The following DAGLB variants were observed in gnomAD, a reference collection of about 807,000 sequenced individuals.
The protein encoded by DAGLB is diacylglycerol lipase beta, also known as diacylglycerol lipase-beta.
A neutral mutation model predicts 72.1 loss-of-function variants in DAGLB; 66 were observed. The observed-to-expected ratio is 0.92, with a 90% CI of 0.75 to 1.12. DAGLB has a LOEUF of 1.12. Among genes scored for constraint, DAGLB ranks in the 50% most tolerant of loss-of-function variants. The probability of loss-of-function intolerance (pLI) is 0.00; values close to 1 mark genes in which losing one functional copy is unlikely to be tolerated. For synonymous variants in DAGLB, 414 were observed against 359.5 expected, an observed-to-expected ratio of 1.15 and a Z score of -1.71; for missense variants, 1,065 against 884.9, an observed-to-expected ratio of 1.20 and a Z score of -2.58.
At chr7:6,432,454 G>A (rs1784514093) in intron 5 of DAGLB, among the ~76,000 whole-genome samples, 3 of 151,374 alleles carry the variant, frequency 2.0e-5, no homozygotes, top group Admixed American at 1.3e-4. Flanking sequence ...TGAAGAGATG[G>A]AGACCATCCT....
chr7:6,410,280 T>C lies in DAGLB; in HGVS notation c.1670A>G (p.Gln557Arg), dbSNP rs755911500. Residue 557 changes from glutamine (Q) to arginine (R), a missense_variant, in exon 14 of 15, where the codon CAG becomes CGG. Physicochemically the swap from Gln to Arg is conservative, Grantham distance 43. Coordinates refer to ENST00000297056, the MANE Select transcript of DAGLB (RefSeq NM_139179.4). ...TAGGCTCTGCTCCCCCAGAAGAGGC[T>C]GTGTCAGGACTTCCTGGTCGCCCCC... ...LDGGDQEVLT[Q>R]PLLGEQSLLT... 14 of 1,613,862 alleles carry C rather than the reference T, an allele frequency of 8.7e-6. No individual in the cohort carries two copies. Among genetic ancestry groups the C allele is most frequent in the Non-Finnish European group, 1.1e-5 (13 of 1,179,916 alleles).
chr7:6,409,780 A>G lies in DAGLB; in HGVS notation c.*57T>C. ...ATGGGAACTCCTCGGATGGTAAGTC[A>G]GTTTAAGGACAAAAGCGTGAGTCCA... On this transcript the variant is annotated 3_prime_UTR_variant, in exon 15 of 15. Transcript: ENST00000297056. 6.4e-7 allele frequency: 1 copy of G among 1,566,610 alleles called. No homozygotes were observed. Among genetic ancestry groups the G allele is most frequent in the Admixed American group, 1.9e-5 (1 of 53,400 alleles).
chr7:6,435,517 A>G (rs1475929944), intron 3 of DAGLB: 4 of 160,090 alleles, frequency 2.5e-5, no homozygotes, highest in Admixed American at 2.3e-4. Flanking sequence ...CTTATGAATC[A>G]GTGGTTAACC....
intron 11 of DAGLB, among the ~76,000 whole-genome samples, chr7:6,413,764 CCAA>C (rs745433618): frequency 3.9e-5 from 6 of 152,346 alleles, no homozygotes; most frequent in Admixed American, 1.3e-4. Flanking sequence ...CCTTCAGCTC[CCAA>C]CAACGAGTCA....
At chr7:6,412,671 C>G in intron 13 of DAGLB, 140 bp downstream of exon 13, 5 of 953,672 alleles carry the variant, frequency 5.2e-6, no homozygotes, top group Admixed American at 2.2e-5. Flanking sequence ...AGCCCAGAAT[C>G]TGATCAGATG....
In DAGLB at chr7:6,436,568, C is replaced by T. The variant is rs774991467; in HGVS notation, c.248-35G>A. ...AAAAAACGTTCCGACTGCTCAGTTGCTTCCTCAGAGATGAAGAGCTTCCTT... is the reference window on the plus strand; with the variant it reads ...AAAAAACGTTCCGACTGCTCAGTTGTTTCCTCAGAGATGAAGAGCTTCCTT... On this transcript the variant is annotated intron_variant, in intron 2 of 14. Transcript: ENST00000297056. 2.0e-5 allele frequency: 33 copies of T among 1,613,226 alleles called. No individual in the cohort carries two copies. The East Asian group carries it at 6.9e-4, about 34-fold the overall frequency.
intron 2 of DAGLB, 55 bp from the exon 3 acceptor site, chr7:6,436,588 T>G: frequency 6.2e-7 from 1 of 1,606,830 alleles, no homozygotes; most frequent in African/African-American, 1.3e-5. Context: ...GATGAAGAGC[T>G]TCCTTTTTGC....
chr7:6,411,918 GCAGA>G (rs1424975814), intron 13 of DAGLB, among the ~76,000 whole-genome samples: 5 of 151,702 alleles, frequency 3.3e-5, no homozygotes, highest in Non-Finnish European at 7.4e-5. Context: ...ATCTTTATCG[GCAGA>G]CAGAAATTTC....
At chr7:6,433,343 G>C (rs961381971) in intron 4 of DAGLB, among the ~76,000 whole-genome samples, 3 of 152,130 alleles carry the variant, frequency 2.0e-5, no homozygotes, top group Non-Finnish European at 4.4e-5. Flanking sequence ...AAGATGCTGG[G>C]AAGGTTTTGT....
Position 6,424,733 on chromosome 7 carries a change from A to T in DAGLB, c.1140+19T>A, listed in dbSNP as rs765886714. On this transcript the variant is annotated intron_variant, in intron 8 of 14. Transcript: ENST00000297056. Reference sequence around the variant, plus strand: ...CCCGCACCCACTCCCAGGGCTGGAAAGTCAGGTTCCAACGTTACCTGCAGA... The same window carrying T: ...CCCGCACCCACTCCCAGGGCTGGAATGTCAGGTTCCAACGTTACCTGCAGA... 1 of 1,612,444 alleles carries T rather than the reference A, an allele frequency of 6.2e-7. No homozygotes were observed.
At chr7:6,421,976 C>A (rs910209122) in intron 8 of DAGLB, 172 bp from the exon 9 acceptor site, 1 of 740,704 alleles carries the variant, frequency 1.4e-6, no homozygotes, top group Non-Finnish European at 2.3e-6. Flanking sequence ...AGCGGTGGCT[C>A]CTGAGGGCCC....
At chr7:6,416,414 G>C (rs999939635) in intron 11 of DAGLB, 14 of 518,124 alleles carry the variant, frequency 2.7e-5, no homozygotes, top group Non-Finnish European at 4.4e-5. Context: ...ATGCTGGCGG[G>C]TGTCTGTAGT....
At position 6,435,028 on chromosome 7, in the gene DAGLB, A is replaced by G; in HGVS notation, c.420-8T>C. ...GCAGCGATGATGATCCAACTGCAAG[A>G]CAGAGAGAGGAAAAGGCTCGGTGAC... On this transcript the variant is annotated splice_region_variant and splice_polypyrimidine_tract_variant and intron_variant, in intron 3 of 14. Transcript: ENST00000297056. 2 of 1,612,298 alleles carry G rather than the reference A, an allele frequency of 1.2e-6. No homozygotes were observed. Among genetic ancestry groups the G allele is most frequent in the Middle Eastern group, 4.0e-4 (2 of 5,048 alleles).
At chr7:6,438,577 C>T (rs1012751855) in intron 2 of DAGLB, among the ~76,000 whole-genome samples, 1 of 151,914 alleles carries the variant, frequency 6.6e-6, no homozygotes, top group African/African-American at 2.4e-5. Flanking sequence ...TATCTGCATA[C>T]ACACTGCTTC....
Position 6,436,467 on chromosome 7 carries a change from A to C in DAGLB, c.314T>G (p.Phe105Cys). The C allele has an allele frequency of 6.2e-7, 1 of 1,614,032 alleles. No homozygotes were observed. The highest frequency in any genetic ancestry group is 1.3e-5 in the African/African-American group (1 of 75,020). ...SKLLYIRLAL[F>C]FPEMVWASLG... is the part of the protein sequence containing the mutation. ...AGAGGCCCAGACCATCTCTGGAAAA[A>C]ACAGCGCCAGGCGGATGTAAAGCAG... Residue 105 changes from phenylalanine (F) to cysteine (C), a missense_variant, in exon 3 of 15, where the codon TTT (phenylalanine) becomes TGT (cysteine). Coordinates refer to ENST00000297056, the MANE Select transcript of DAGLB (RefSeq NM_139179.4).
chr7:6,429,671 G>A (rs1283829876), intron 6 of DAGLB, among the ~76,000 whole-genome samples: 1 of 152,040 alleles, frequency 6.6e-6, no homozygotes, highest in African/African-American at 2.4e-5. Context: ...GGGAGGGTGA[G>A]GCAGGTGAAC....
At chr7:6,442,141 T>C (rs191129294) in intron 2 of DAGLB, among the ~76,000 whole-genome samples, 1 of 152,250 alleles carries the variant, frequency 6.6e-6, no homozygotes, top group East Asian at 1.9e-4. Context: ...GGGTCACGTG[T>C]CCATTCCTGA....
At chr7:6,440,576 A>G (rs1186177213) in intron 2 of DAGLB, among the ~76,000 whole-genome samples, 1 of 152,038 alleles carries the variant, frequency 6.6e-6, no homozygotes, top group Non-Finnish European at 1.5e-5. Flanking sequence ...CTGGGACTTG[A>G]TTTACGAAAC....
intron 2 of DAGLB, chr7:6,445,649 G>C (rs1784976598): frequency 5.1e-6 from 1 of 195,442 alleles, no homozygotes; most frequent in Non-Finnish European, 1.0e-5. Context: ...GAGACGTAGA[G>C]ATGGGGTTCC....
Sources: allele counts gnomAD v4.1 joint callset (sites outside exome capture counted in the v4.1 genomes callset), GRCh38; gene constraint gnomAD v4.1.1; transcripts MANE v1.5; gene names NCBI Gene and HGNC (gene_info 2026-07-23, HGNC 2026-07-21).